The following EFR3B variants were observed in gnomAD, a reference collection of about 807,000 sequenced individuals.
The protein encoded by EFR3B is EFR3 homolog B.
In EFR3B, 64 loss-of-function variants were observed where a neutral mutation model predicts 104.7. The ratio of observed to expected loss-of-function variants is 0.61; its 90% CI spans 0.50 to 0.75. EFR3B has a LOEUF of 0.75. Ranked by LOEUF, EFR3B falls within the 30% of genes least tolerant of loss-of-function variation. The probability of loss-of-function intolerance (pLI) is 0.00; values close to 1 mark genes in which losing one functional copy is unlikely to be tolerated. For synonymous variants in EFR3B, 385 were observed against 417.9 expected, an observed-to-expected ratio of 0.92 and a Z score of 0.96; for missense variants, 750 against 1,078.5, an observed-to-expected ratio of 0.70 and a Z score of 4.27.
intron 19 of EFR3B, chr2:25,147,527 G>A (rs887370051): frequency 1.3e-5 from 2 of 152,204 alleles, no homozygotes; most frequent in Non-Finnish European, 2.9e-5. Context: ...GCACGACTCA[G>A]TGAATTTTCA....
intron 20 of EFR3B, among the ~76,000 whole-genome samples, chr2:25,151,507 C>T (rs930606082): frequency 6.6e-6 from 1 of 152,156 alleles, no homozygotes; most frequent in Admixed American, 6.5e-5. Context: ...CCTCCTGCCT[C>T]GGCCTCCCAA....
rs1670512014 is a variant in EFR3B at position 25,136,242 on chromosome 2, C to T, written c.1485-281C>T. On this transcript the variant is annotated intron_variant, in intron 13 of 22. Transcript: ENST00000403714. This position sits in a 1 kb window ranked among gnomAD's most constrained non-coding sequence, Gnocchi z 4.0. Reference sequence around the variant, plus strand: ...CTGAGTTGGGAGGATTGCTTGAGCCCTGGAGGTTAAGGCTGCAGAGAGCTG... The same window carrying T: ...CTGAGTTGGGAGGATTGCTTGAGCCTTGGAGGTTAAGGCTGCAGAGAGCTG... 1.3e-5 allele frequency among the ~76,000 whole-genome samples: 2 copies of T among 151,766 alleles called. No homozygotes were observed. The highest frequency in any genetic ancestry group is 1.3e-4 in the Admixed American group (2 of 15,242).
At chr2:25,140,197 C>G (rs1670625694) in intron 16 of EFR3B, among the ~76,000 whole-genome samples, 1 of 152,100 alleles carries the variant, frequency 6.6e-6, no homozygotes, top group African/African-American at 2.4e-5. Context: ...CCTGTAGTCC[C>G]AGCTACTCAG....
In EFR3B at chr2:25,042,440, G is replaced by A; in HGVS notation, c.7+121G>A. 8.2e-7 allele frequency: 1 copy of A among 1,214,150 alleles called. No homozygotes were observed. Among genetic ancestry groups the A allele is most frequent in the Non-Finnish European group, 1.0e-6 (1 of 976,642 alleles). The allele number at this position is 1,214,150 out of a possible 1,614,324, so 75.2% of individuals were successfully genotyped here. ...GGGCCAGGCCGCTGACCTGGTGCCC[G>A]GCGGGGCTGTTGCGGTCGCTCTGTG... On this transcript the variant is annotated intron_variant, in intron 1 of 22. Coordinates refer to ENST00000403714, the MANE Select transcript of EFR3B (RefSeq NM_014971.2). This position sits in a 1 kb window ranked among gnomAD's most constrained non-coding sequence, Gnocchi z 5.4.
chr2:25,088,757 GC>G (rs1669029453), intron 1 of EFR3B, among the ~76,000 whole-genome samples: 1 of 152,156 alleles, frequency 6.6e-6, no homozygotes. Flanking sequence ...TTAGGAAGTG[GC>G]AGTGCCAGGA....
chr2:25,121,964 G>GT (rs143584289), intron 5 of EFR3B, among the ~76,000 whole-genome samples, 170 bp downstream of exon 5: 2,137 of 141,664 alleles, frequency 0.015, 31 homozygotes, highest in African/African-American at 0.039. Flanking sequence ...TGTGGTTTCT[G>GT]TTTTTTTTTT....
chr2:25,139,573 C>T (rs1670607347), intron 16 of EFR3B, among the ~76,000 whole-genome samples: 2 of 152,056 alleles, frequency 1.3e-5, no homozygotes, highest in South Asian at 2.1e-4. Context: ...TATGAAATAC[C>T]GCAAAAGTGA....
chr2:25,071,175 T>C (rs182668568), intron 1 of EFR3B, among the ~76,000 whole-genome samples: 2,535 of 151,986 alleles, frequency 0.017, 66 homozygotes, highest in African/African-American at 0.058. Context: ...TTAGCCAGGA[T>C]GGTCTTGATC....
rs1336602787 is a variant in EFR3B, at chr2:25,158,959, T to C, written c.*4619T>C. The C allele has an allele frequency of 1.3e-5, 2 of 152,234 alleles. No homozygotes were observed. The highest frequency in any genetic ancestry group is 4.8e-5 in the African/African-American group (2 of 41,444). The allele number at this position is 152,234 out of a possible 1,614,324, so 9.4% of individuals were successfully genotyped here. ...GCAGAATTAGTGCCCGTGGCGGTTT[T>C]CTGTATTTTAAACCCATTGAATTGG... On this transcript the variant is annotated 3_prime_UTR_variant, in exon 23 of 23. Coordinates refer to ENST00000403714, the MANE Select transcript of EFR3B (RefSeq NM_014971.2).
intron 1 of EFR3B, among the ~76,000 whole-genome samples, chr2:25,072,596 T>C (rs1453404672): frequency 1.3e-5 from 2 of 152,248 alleles, no homozygotes; most frequent in African/African-American, 2.4e-5. Context: ...TATTTTCTTA[T>C]GCCTTGACTT....
In EFR3B at chr2:25,157,757, G is replaced by A. The variant is rs1333139720; in HGVS notation, c.*3417G>A. On this transcript the variant is annotated 3_prime_UTR_variant, in exon 23 of 23. Transcript: ENST00000403714. ...TCCCGAGGCTCCCTCTGTTTTCCTT[G>A]CCATGGAGTCCCCAGCGCCTTGTGC... is the stretch of plus-strand genomic sequence containing the variant. The A allele has an allele frequency of 6.6e-6, 1 of 152,190 alleles. No individual in the cohort carries two copies. The highest frequency in any genetic ancestry group is 2.4e-5 in the African/African-American group (1 of 41,412). The allele number at this position is 152,190 out of a possible 1,614,324, so 9.4% of individuals were successfully genotyped here. A position where few individuals can be genotyped will look rare whatever the true frequency, so the allele number is the denominator to read the frequency against.
intron 1 of EFR3B, chr2:25,081,290 A>T: frequency 1.0e-6 from 1 of 986,904 alleles, no homozygotes; most frequent in Non-Finnish European, 1.6e-6. Flanking sequence ...CTCGACCATC[A>T]GCTGAAACCT....
chr2:25,102,173 T>C (rs757371641), intron 3 of EFR3B, among the ~76,000 whole-genome samples: 13 of 152,164 alleles, frequency 8.5e-5, no homozygotes, highest in Non-Finnish European at 1.6e-4. Flanking sequence ...TTGGGTATAT[T>C]TAGCACAGAG....
At chr2:25,058,161 A>G (rs1460588852) in intron 1 of EFR3B, 1 of 152,154 alleles carries the variant, frequency 6.6e-6, no homozygotes, top group Non-Finnish European at 1.5e-5. Flanking sequence ...TTTGGCATCA[A>G]TATGGTAACC....
Position 25,124,799 on chromosome 2 carries a change from A to G in EFR3B, c.485+3005A>G, listed in dbSNP as rs115258676. Among the ~76,000 whole-genome samples the G allele has an allele frequency of 4.0e-3, 580 of 146,590 alleles. 1 individual carries two copies. The highest frequency in any genetic ancestry group is 0.014 in the African/African-American group (557 of 39,680). On this transcript the variant is annotated intron_variant, in intron 5 of 22. Transcript: ENST00000403714. ...GGGCCAGGTGTGGTGGCTAAAGCCT[A>G]TATGGCCAGCACTTTGGGAGGCTGA...
At chr2:25,093,536 C>T (rs1481092550) in intron 3 of EFR3B, among the ~76,000 whole-genome samples, 1 of 151,866 alleles carries the variant, frequency 6.6e-6, no homozygotes, top group Non-Finnish European at 1.5e-5. Flanking sequence ...ATCAAACAGA[C>T]CAAGAAAACT....
chr2:25,042,358 G>T lies in EFR3B; in HGVS notation c.7+39G>T. The T allele has an allele frequency of 8.0e-7, 1 of 1,249,486 alleles. No homozygotes were observed. Among genetic ancestry groups the T allele is most frequent in the Middle Eastern group, 2.9e-4 (1 of 3,504 alleles). 77.4% of individuals were successfully genotyped at this position (1,249,486 alleles called of 1,614,324 possible). On this transcript the variant is annotated intron_variant, in intron 1 of 22. Transcript: ENST00000403714. The surrounding 1 kb of genome is among the most constrained non-coding windows in gnomAD (Gnocchi z 5.4). ...CGCGCCCGGGCCCGGGCCCGCGGGG[G>T]CGACTCCGCAAACTTCCCCGGCGCG...
At chr2:25,120,276 G>C (rs1035438234) in intron 4 of EFR3B, among the ~76,000 whole-genome samples, 1 of 152,006 alleles carries the variant, frequency 6.6e-6, no homozygotes, top group Non-Finnish European at 1.5e-5. Flanking sequence ...GCTTGAACCC[G>C]AGAGGAGGAA....
In EFR3B at chr2:25,055,527, G is replaced by A. The variant is rs150614379; in HGVS notation, c.7+13208G>A. Among the ~76,000 whole-genome samples, 1,194 of 152,286 alleles carry A rather than the reference G, an allele frequency of 7.8e-3. 22 individuals are homozygous for A. Among genetic ancestry groups the A allele is most frequent in the African/African-American group, 0.026 (1,099 of 41,548 alleles). On this transcript the variant is annotated intron_variant, in intron 1 of 22. Transcript: ENST00000403714. ...CCCAGATAAACTCAAGCATTCAGAA[G>A]CCAGGAGTCTTGAATCTTAGCTTGG... is the stretch of plus-strand genomic sequence containing the variant.
Sources: allele counts gnomAD v4.1 joint callset (sites outside exome capture counted in the v4.1 genomes callset), GRCh38; gene constraint gnomAD v4.1.1; non-coding constraint Gnocchi (gnomAD v3.1); transcripts MANE v1.5; gene names NCBI Gene and HGNC (gene_info 2026-07-23, HGNC 2026-07-21).